The following MEP1A variants were observed in gnomAD, a reference collection of about 807,000 sequenced individuals.
MEP1A encodes the protein meprin A subunit alpha.
MEP1A carries 68 observed loss-of-function variants against 84.5 expected under a neutral mutation model. The ratio of observed to expected loss-of-function variants is 0.80; its 90% CI spans 0.66 to 0.98. The LOEUF (loss-of-function observed/expected upper bound fraction) is 0.98, where lower values mean the gene tolerates loss of function less well. MEP1A is among the 50% of genes least tolerant of loss of function. The pLI is 0.00. For synonymous variants in MEP1A, 337 were observed against 336.8 expected, an observed-to-expected ratio of 1.00 and a Z score of -0.01; for missense variants, 887 against 919.9, an observed-to-expected ratio of 0.96 and a Z score of 0.46.
Position 46,826,341 on chromosome 6 carries a change from A to T in MEP1A, c.779-13A>T. 6.3e-7 allele frequency: 1 copy of T among 1,578,886 alleles called. No individual in the cohort carries two copies. The highest frequency in any genetic ancestry group is 1.2e-5 in the South Asian group (1 of 83,148). The stretch of plus-strand genomic sequence containing the variant: ...TTTCATTTTTAACCAGATGATAAAA[A>T]TATAATTTGCAGCCACAACTCACAC... On this transcript the variant is annotated splice_polypyrimidine_tract_variant and intron_variant, in intron 8 of 13. Coordinates refer to ENST00000230588, the MANE Select transcript of MEP1A (RefSeq NM_005588.3).
Position 46,834,587 on chromosome 6 carries a change from A to G in MEP1A, c.1619A>G (p.Asp540Gly), listed in dbSNP as rs142236644. Residue 540 changes from aspartate (D) to glycine (G), a missense_variant, in exon 12 of 14, where the codon GAC becomes GGC. By Grantham distance (94) the Asp-to-Gly change is moderately conservative. Coordinates refer to ENST00000230588, the MANE Select transcript of MEP1A (RefSeq NM_005588.3). ...ACCTACAACTTTGCAGCGATAAATG[A>G]CACTGTCATCTGGGACAGGCCGTCC... is the stretch of plus-strand genomic sequence containing the variant. The part of the protein sequence containing the change: ...SKSHTSPAIN[D>G]TVIWDRPSRV... 2.7e-3 allele frequency: 4,329 copies of G among 1,606,460 alleles called. 10 individuals are homozygous for G. The highest frequency in any genetic ancestry group is 3.4e-3 in the Non-Finnish European group (4,056 of 1,177,110).
Position 46,825,386 on chromosome 6 carries a change from G to A in MEP1A, c.671G>A (p.Ser224Asn). The change falls in exon 8 of 14, where the codon AGT (serine) becomes AAT (asparagine). Residue 224 changes from serine (S) to asparagine (N), a missense_variant. Transcript: ENST00000230588. ...CCTTTCTCATTTAACAAGAATGCAA[G>A]TGTTCCCACCATCACAGCCAAGATC... ...YQPFSFNKNA[S>N]VPTITAKIPE... The A allele has an allele frequency of 3.7e-6, 6 of 1,613,520 alleles. No homozygotes were observed. Among genetic ancestry groups the A allele is most frequent in the African/African-American group, 1.3e-5 (1 of 74,990 alleles).
Position 46,839,017 on chromosome 6 carries a change from C to A in MEP1A, c.2122C>A (p.Arg708Ser). The A allele has an allele frequency of 6.2e-7, 1 of 1,613,664 alleles. No individual in the cohort carries two copies. Among genetic ancestry groups the A allele is most frequent in the Non-Finnish European group, 8.5e-7 (1 of 1,179,692 alleles). ...SGHAFFYTGERCQAVQVHGSV... is the reference protein window; with the variant it reads ...SGHAFFYTGESCQAVQVHGSV... ...ACATGCTTTCTTCTACACGGGGGAG[C>A]GCTGTCAGGCCGTGCAGGTGCACGG... The change falls in exon 14 of 14, where the codon CGC becomes AGC. Residue 708 changes from arginine to serine, a missense_variant. Arg to Ser is a moderately radical substitution (Grantham distance 110, BLOSUM62 -1). Coordinates refer to ENST00000230588, the MANE Select transcript of MEP1A (RefSeq NM_005588.3).
intron 8 of MEP1A, 80 bp from the exon 9 acceptor site, chr6:46,826,274 G>A: frequency 1.6e-6 from 2 of 1,284,530 alleles, no homozygotes; most frequent in South Asian, 1.7e-5. Context: ...TGAACAATGA[G>A]GTTTTAGTGG....
At chr6:46,845,152 T>C in the MEP1A span, among the ~76,000 whole-genome samples, 1 of 152,146 alleles carries the variant, frequency 6.6e-6, no homozygotes, top group Non-Finnish European at 1.5e-5. Context: ...TATAGCAGTG[T>C]GAAAACAGAC....
chr6:46,805,875 C>T (rs1450989965), intron 5 of MEP1A, among the ~76,000 whole-genome samples: 1 of 151,872 alleles, frequency 6.6e-6, no homozygotes. Flanking sequence ...TTCTCCTGTC[C>T]ATCAGAGACT....
intron 5 of MEP1A, among the ~76,000 whole-genome samples, chr6:46,807,507 T>TGAAA (rs1562106532): frequency 6.7e-5 from 5 of 74,528 alleles, no homozygotes; most frequent in African/African-American, 2.6e-4. Flanking sequence ...GACCCCCATC[T>TGAAA]GAAATAAAGA....
Position 46,817,561 on chromosome 6 carries a change from C to T in MEP1A, c.381-1968C>T, listed in dbSNP as rs376278453. ...AAAACCCTTAATTTTTCATTGAAAA[C>T]GTCAGAGAAACAATTAACTTTATTA... On this transcript the variant is annotated intron_variant, in intron 6 of 13. Coordinates refer to ENST00000230588, the MANE Select transcript of MEP1A (RefSeq NM_005588.3). 2.5e-4 allele frequency among the ~76,000 whole-genome samples: 38 copies of T among 152,244 alleles called. No homozygotes were observed. The South Asian group carries it at 4.8e-3, about 19-fold the overall frequency.
In MEP1A at chr6:46,825,364, T is replaced by C. The variant is rs762251189; in HGVS notation, c.649T>C (p.Phe217Leu). 2 of 1,613,520 alleles carry C rather than the reference T, an allele frequency of 1.2e-6. No homozygotes were observed. Among genetic ancestry groups the C allele is most frequent in the Non-Finnish European group, 8.5e-7 (1 of 1,179,584 alleles). The change falls in exon 8 of 14, where the codon TTC (phenylalanine) becomes CTC (leucine). Residue 217 changes from phenylalanine to leucine, a missense_variant. Phe to Leu is a conservative substitution (Grantham distance 22, BLOSUM62 0). Coordinates refer to ENST00000230588, the MANE Select transcript of MEP1A (RefSeq NM_005588.3). ...TGAGTCTTTGATGCACTACCAGCCT[T>C]TCTCATTTAACAAGAATGCAAGTGT... ...DYESLMHYQP[F>L]SFNKNASVPT... is the part of the protein sequence containing the mutation.
intron 13 of MEP1A, among the ~76,000 whole-genome samples, chr6:46,837,158 A>T (rs1768233391): frequency 6.6e-6 from 1 of 152,160 alleles, no homozygotes; most frequent in East Asian, 1.9e-4. Context: ...GATTTCCTAT[A>T]TCCTTCACAT....
intron 6 of MEP1A, among the ~76,000 whole-genome samples, chr6:46,811,888 G>A (rs1017616215): frequency 2.6e-5 from 4 of 151,950 alleles, no homozygotes; most frequent in Non-Finnish European, 5.9e-5. Context: ...CATTATTGAG[G>A]ATTTTTGCCT....
Position 46,819,555 on chromosome 6 carries a change from A to C in MEP1A, c.407A>C (p.His136Pro). The C allele has an allele frequency of 2.5e-6, 4 of 1,613,372 alleles. No homozygotes were observed. The highest frequency in any genetic ancestry group is 3.4e-6 in the Non-Finnish European group (4 of 1,179,598). Residue 136 changes from histidine to proline, a missense_variant, in exon 7 of 14, where the codon CAT becomes CCT. Transcript: ENST00000230588. ...TGCTGGTCTGAGGTTGGTGACCAACATGTGGGACAGAACATTTCCATTGGC... is the reference window on the plus strand; with the variant it reads ...TGCTGGTCTGAGGTTGGTGACCAACCTGTGGGACAGAACATTTCCATTGGC... ...DGCWSEVGDQHVGQNISIGQG... is the reference protein window; with the variant it reads ...DGCWSEVGDQPVGQNISIGQG...
At chr6:46,798,798 A>G in intron 4 of MEP1A, 152 bp downstream of exon 4, 1 of 694,304 alleles carries the variant, frequency 1.4e-6, no homozygotes, top group Non-Finnish European at 2.5e-6. Flanking sequence ...GTTCCACTGT[A>G]GTTCCTAAGG....
rs932229380 is a variant in MEP1A at position 46,835,286 on chromosome 6, A to G, written c.1821A>G (p.Lys607=). ...TCAGCCAGACTGAAGTTCCCACTAA[A>G]GGCAAAAGACTGAGCCCCCAAGGCC... is the stretch of plus-strand genomic sequence containing the variant. ...THLSQTEVPT[K]GKRLSPQGLI... is the part of the protein sequence containing the mutation. Residue 607 remains lysine (K), a synonymous_variant, in exon 13 of 14, where the codon AAA becomes AAG. Transcript: ENST00000230588. 9.4e-6 allele frequency: 15 copies of G among 1,603,896 alleles called. No homozygotes were observed. In the African/African-American group the frequency reaches 1.9e-4, roughly 20 times the overall value.
chr6:46,837,612 C>T (rs1271176592), intron 13 of MEP1A, among the ~76,000 whole-genome samples: 1 of 152,214 alleles, frequency 6.6e-6, no homozygotes, highest in Non-Finnish European at 1.5e-5. Flanking sequence ...AGGCTTCATC[C>T]TTCCCAGGCT....
At chr6:46,840,446 G>T (rs146408238), downstream of MEP1A, among the ~76,000 whole-genome samples, 2,414 of 152,244 alleles carry the variant, frequency 0.016, 57 homozygotes, top group African/African-American at 0.042. Context: ...GAATGTGCCA[G>T]AATCTAGTAG....
intron 5 of MEP1A, among the ~76,000 whole-genome samples, chr6:46,803,503 T>C (rs1309429117): frequency 6.6e-6 from 1 of 151,436 alleles, no homozygotes; most frequent in Non-Finnish European, 1.5e-5. Context: ...TGCCAGGGAC[T>C]TATTGATTTT....
downstream of MEP1A, among the ~76,000 whole-genome samples, chr6:46,844,127 AAT>A (rs1317697740): frequency 6.6e-6 from 1 of 152,210 alleles, no homozygotes; most frequent in Non-Finnish European, 1.5e-5. Flanking sequence ...TTTTAATATA[AAT>A]ATGTTTTTCA....
At chr6:46,808,643 A>G (rs546875256) in intron 5 of MEP1A, among the ~76,000 whole-genome samples, 8 of 152,204 alleles carry the variant, frequency 5.3e-5, no homozygotes, top group Admixed American at 5.2e-4. Context: ...ACAATGCCAA[A>G]GTGCATGCAT....
Sources: allele counts gnomAD v4.1 joint callset (sites outside exome capture counted in the v4.1 genomes callset), GRCh38; gene constraint gnomAD v4.1.1; transcripts MANE v1.5; gene names NCBI Gene and HGNC (gene_info 2026-07-23, HGNC 2026-07-21).